Variants in CCDC61 observed in about 807,000 individuals in gnomAD.
CCDC61 encodes the protein coiled-coil domain containing 61.
CCDC61 carries 55 observed loss-of-function variants against 63.0 expected under a neutral mutation model. The ratio of observed to expected loss-of-function variants is 0.87; its 90% CI spans 0.70 to 1.09. CCDC61 has a LOEUF of 1.09. Ranked by LOEUF, CCDC61 falls within the 50% of genes least tolerant of loss-of-function variation. The pLI is 0.00. For missense variants in CCDC61, 651 were observed against 731.4 expected (o/e 0.89, Z 1.27); for synonymous variants, 270 against 317.0 (o/e 0.85, Z 1.58).
intron 5 of CCDC61, among the ~76,000 whole-genome samples, chr19:46,010,494 C>A (rs1009747947): frequency 6.6e-6 from 1 of 152,040 alleles, no homozygotes; most frequent in Non-Finnish European, 1.5e-5. Context: ...TGAGTGGAGT[C>A]GTTCTTGCCA....
chr19:46,010,218 G>A (rs190787720), intron 5 of CCDC61, among the ~76,000 whole-genome samples: 23 of 152,328 alleles, frequency 1.5e-4, no homozygotes, highest in Non-Finnish European at 1.5e-5. Flanking sequence ...AAGATGGCCT[G>A]AGGCTCAGAG....
At chr19:46,006,534 A>C (rs1321643078) in intron 3 of CCDC61, 25 bp from the exon 4 acceptor site, 2 of 1,473,356 alleles carry the variant, frequency 1.4e-6, no homozygotes, top group Admixed American at 4.4e-5. Context: ...GTGCTGTGGC[A>C]GCTCCTCCTC....
chr19:45,999,331 G>A (rs956863180), intron 1 of CCDC61, among the ~76,000 whole-genome samples: 2 of 151,686 alleles, frequency 1.3e-5, no homozygotes, highest in Non-Finnish European at 2.9e-5. Context: ...GTGAAGGGGG[G>A]GTTCTATCCA....
rs1968931695 is a variant in CCDC61, at chr19:46,016,228, G to GGCA, written c.1015+5_1015+6insGCA. ...GCCCCTCGCCCTCGCCCACAGGTCT[G>GGCA]TGCCCCTGCCCTGCGGTAGGGAGGG... On this transcript the variant is annotated splice_donor_region_variant and intron_variant, in intron 8 of 13. Transcript: ENST00000595358. This position sits in a 1 kb window ranked among gnomAD's most constrained non-coding sequence, Gnocchi z 7.2. 1 of 1,556,750 alleles carries GGCA rather than the reference G, an allele frequency of 6.4e-7. No homozygotes were observed. The highest frequency in any genetic ancestry group is 8.7e-7 in the Non-Finnish European group (1 of 1,153,678).
chr19:46,003,215 G>C, intron 2 of CCDC61, 49 bp downstream of exon 2: 2 of 1,553,938 alleles, frequency 1.3e-6, no homozygotes, highest in Non-Finnish European at 1.7e-6. Flanking sequence ...CCTGGGATCA[G>C]CTTCTCCCAG....
chr19:46,004,086 A>G (rs890208236), intron 3 of CCDC61, among the ~76,000 whole-genome samples: 4 of 151,274 alleles, frequency 2.6e-5, no homozygotes, highest in Admixed American at 6.6e-5. Context: ...TTACAGGCGC[A>G]CGCCACCATG....
intron 1 of CCDC61, among the ~76,000 whole-genome samples, chr19:45,995,906 A>G (rs983335819): frequency 6.6e-6 from 1 of 152,056 alleles, no homozygotes; most frequent in African/African-American, 2.4e-5. Flanking sequence ...TGAGGAAGGG[A>G]GGGAAGGAGA....
In CCDC61 at chr19:46,016,229, T is replaced by G. The variant is rs1482918683; in HGVS notation, c.1015+6T>G. 1 of 1,558,526 alleles carries G rather than the reference T, an allele frequency of 6.4e-7. No homozygotes were observed. The highest frequency in any genetic ancestry group is 8.7e-7 in the Non-Finnish European group (1 of 1,154,490). ...CCCCTCGCCCTCGCCCACAGGTCTG[T>G]GCCCCTGCCCTGCGGTAGGGAGGGG... is the stretch of plus-strand genomic sequence containing the variant. On this transcript the variant is annotated splice_donor_region_variant and intron_variant, in intron 8 of 13. Coordinates refer to ENST00000595358, the MANE Select transcript of CCDC61 (RefSeq NM_001267723.2). This position sits in a 1 kb window ranked among gnomAD's most constrained non-coding sequence, Gnocchi z 7.2.
chr19:45,995,476 GC>G lies in CCDC61; in HGVS notation c.-39del, dbSNP rs769060816. 1.3e-5 allele frequency: 7 copies of G among 530,602 alleles called. No individual in the cohort carries two copies. The highest frequency in any genetic ancestry group is 5.9e-5 in the Admixed American group (3 of 50,990). The allele number at this position is 530,602 out of a possible 1,614,324, so 32.9% of individuals were successfully genotyped here. A position where few individuals can be genotyped will look rare whatever the true frequency, so the allele number is the denominator to read the frequency against. ...GGGCTGGAGCTTCGTCAGTTGAACC[GC>G]TCGCGAGGAGGGTTGCTAGTGGAGA... On this transcript the variant is annotated 5_prime_UTR_variant, in exon 1 of 14. Transcript: ENST00000595358.
chr19:45,996,723 C>T (rs1273614005), intron 1 of CCDC61, among the ~76,000 whole-genome samples: 3 of 152,190 alleles, frequency 2.0e-5, no homozygotes, highest in Admixed American at 6.5e-5. Flanking sequence ...CTTCACTTCT[C>T]CCTTTTGTCT....
rs565399319 is a variant in CCDC61, at chr19:46,015,808, G to T, written c.846-246G>T. On this transcript the variant is annotated intron_variant, in intron 7 of 13. Transcript: ENST00000595358. This position sits in a 1 kb window ranked among gnomAD's most constrained non-coding sequence, Gnocchi z 5.3. ...TTTCCGGGGAGTTGTGGAAGACTCC[G>T]GAAAGAAGGGTCTGTTGAAGGCGGT... Among the ~76,000 whole-genome samples the T allele has an allele frequency of 6.6e-6, 1 of 152,040 alleles. No homozygotes were observed. Among genetic ancestry groups the T allele is most frequent in the Non-Finnish European group, 1.5e-5 (1 of 67,952 alleles).
At chr19:46,017,330 A>G in intron 12 of CCDC61, 26 bp downstream of exon 12, 1 of 1,545,558 alleles carries the variant, frequency 6.5e-7, no homozygotes, top group Non-Finnish European at 8.7e-7. Flanking sequence ...AACATAAACC[A>G]CTGGAACACA....
intron 1 of CCDC61, among the ~76,000 whole-genome samples, chr19:45,998,338 C>T (rs1465007985): frequency 6.6e-6 from 1 of 152,164 alleles, no homozygotes; most frequent in Non-Finnish European, 1.5e-5. Flanking sequence ...AGTTGGGACC[C>T]GACCTAGGAA....
chr19:46,005,216 G>A (rs561163235), intron 3 of CCDC61, among the ~76,000 whole-genome samples: 2 of 151,682 alleles, frequency 1.3e-5, no homozygotes, highest in East Asian at 3.9e-4. Context: ...TGCCATCTTG[G>A]CCAGGCTGGT....
Position 46,015,425 on chromosome 19 carries a change from G to T in CCDC61, c.843G>T (p.Arg281Ser), listed in dbSNP as rs376562327. The T allele has an allele frequency of 3.7e-5, 59 of 1,598,700 alleles. No individual in the cohort carries two copies. The Admixed American group carries it at 7.0e-4, about 19-fold the overall frequency. The change falls in exon 7 of 14, where the codon AGG becomes AGT. Residue 281 changes from arginine to serine, a missense_variant and splice_region_variant. Transcript: ENST00000595358. This position sits in a 1 kb window ranked among gnomAD's most constrained non-coding sequence, Gnocchi z 5.3. ...TLTSELALYK[R>S]GRRTPPVQPP... The stretch of plus-strand genomic sequence containing the variant: ...CCAGCGAGCTGGCATTGTACAAGAG[G>T]GGGTGAGAGCGAGGCCTGCCAGGCG...
Position 46,015,137 on chromosome 19 carries a change from C to T in CCDC61, c.640C>T (p.Gln214Ter). 1 of 1,282,678 alleles carries T rather than the reference C, an allele frequency of 7.8e-7. No individual in the cohort carries two copies. Among genetic ancestry groups the T allele is most frequent in the Non-Finnish European group, 9.8e-7 (1 of 1,018,372 alleles). 79.5% of individuals were successfully genotyped at this position (1,282,678 alleles called of 1,614,324 possible). A position where few individuals can be genotyped will look rare whatever the true frequency, so the allele number is the denominator to read the frequency against. Residue 214 changes from glutamine (Q) to a stop codon, truncating the protein, a stop_gained, in exon 6 of 14, where the codon CAG becomes TAG. Coordinates refer to ENST00000595358, the MANE Select transcript of CCDC61 (RefSeq NM_001267723.2). LOFTEE classifies it high-confidence loss of function. This position sits in a 1 kb window ranked among gnomAD's most constrained non-coding sequence, Gnocchi z 5.3. ...EEALAGRAAR[Q>*]EAEALRGLVR... ...GGCGCTGGCCGGGCGCGCGGCACGC[C>T]AGGAGGCCGAGGCGCTGCGCGGGCT...
chr19:46,017,350 A>G (rs1227438735), intron 12 of CCDC61, 46 bp downstream of exon 12: 7 of 1,500,786 alleles, frequency 4.7e-6, no homozygotes, highest in Non-Finnish European at 4.5e-6. Context: ...AGCTGCCCCC[A>G]TTTCCTGTGA....
intron 1 of CCDC61, chr19:46,000,018 T>C (rs552649132): frequency 4.5e-4 from 441 of 985,076 alleles, no homozygotes; most frequent in Non-Finnish European, 5.2e-4. Flanking sequence ...GCCACCAGGA[T>C]GAGCCACTGG....
At chr19:45,996,648 C>T (rs1968498644) in intron 1 of CCDC61, among the ~76,000 whole-genome samples, 1 of 152,188 alleles carries the variant, frequency 6.6e-6, no homozygotes, top group South Asian at 2.1e-4. Context: ...GATCCACCCG[C>T]CTCAGCCTCC....
Sources: gnomAD v4.1 joint callset for allele counts (sites outside exome capture counted in the v4.1 genomes callset) on GRCh38, gnomAD v4.1.1 for gene constraint, Gnocchi (gnomAD v3.1) non-coding constraint, MANE v1.5 for transcripts, NCBI Gene and HGNC (gene_info 2026-07-23, HGNC 2026-07-21) for gene names.